Variants in HUS1B observed in about 807,000 individuals in gnomAD.
HUS1B encodes the protein HUS1 checkpoint clamp component B.
For synonymous variants in HUS1B, 207 were observed against 176.2 expected, an observed-to-expected ratio of 1.17 and a Z score of -1.38; for missense variants, 475 against 390.4, an observed-to-expected ratio of 1.22 and a Z score of -1.83.
Position 656,088 on chromosome 6 carries a change from A to C in HUS1B, c.*20T>G. ...GAAAAGATCAAAACCTTAAAAAAAA[A>C]ATCTAAGCTGGCTGAATTTTTACAA... On this transcript the variant is annotated 3_prime_UTR_variant, in exon 1 of 1. Transcript: ENST00000380907. 11 of 1,562,936 alleles carry C rather than the reference A, an allele frequency of 7.0e-6. No individual in the cohort carries two copies. The highest frequency in any genetic ancestry group is 8.8e-6 in the Non-Finnish European group (10 of 1,142,152).
rs757817248 is a variant in HUS1B, at chr6:656,230, A to G, written c.715T>C (p.Phe239Leu). Residue 239 changes from phenylalanine (F) to leucine (L), a missense_variant, in exon 1 of 1, where the codon TTT becomes CTT. Transcript: ENST00000380907. Reference sequence around the variant, plus strand: ...GGATGTATTTGCTGTCCCTCCAAAAACTGCAGAAGCTTCCGATTGTCCACC... The same window carrying G: ...GGATGTATTTGCTGTCCCTCCAAAAGCTGCAGAAGCTTCCGATTGTCCACC... ...VRVDNRKLLQ[F>L]LEGQQIHPTT... 1 of 1,614,152 alleles carries G rather than the reference A, an allele frequency of 6.2e-7. No individual in the cohort carries two copies. The highest frequency in any genetic ancestry group is 2.2e-5 in the East Asian group (1 of 44,886).
the HUS1B span, chr6:656,189 GCACAGGGC>G: frequency 6.2e-7 from 1 of 1,614,152 alleles, no homozygotes. Context: ...CCCAAATATT[GCACAGGGC>G]CGTCGTAGGA....
chr6:656,684 C>T lies in HUS1B; in HGVS notation c.261G>A (p.Leu87=), dbSNP rs1763121970. The T allele has an allele frequency of 6.2e-7, 1 of 1,606,828 alleles. No homozygotes were observed. Among genetic ancestry groups the T allele is most frequent in the Non-Finnish European group, 8.5e-7 (1 of 1,176,734 alleles). ...CCGCTGCGCTTCTCGCCGCCCGGGA[C>T]AGGTGCTCCGCCGTCAGCTCCAGGT... ...EIHLELTAEH[L]SRAARSAAGA... The change falls in exon 1 of 1, where the codon CTG becomes CTA. Residue 87 remains leucine (L), a synonymous_variant. Transcript: ENST00000380907.
In HUS1B at chr6:656,910, C is replaced by A; in HGVS notation, c.35G>T (p.Cys12Phe). Residue 12 changes from cysteine to phenylalanine, a missense_variant, in exon 1 of 1, where the codon TGT (cysteine) becomes TTT (phenylalanine). Coordinates refer to ENST00000380907, the MANE Select transcript of HUS1B (RefSeq NM_148959.4). Reference sequence around the variant, plus strand: ...GCTGACGTGAATGAACAGCTCTAGACAGCCTTTGCCGGTGATCTTGGCGCG... The same window carrying A: ...GCTGACGTGAATGAACAGCTCTAGAAAGCCTTTGCCGGTGATCTTGGCGCG... ...KFRAKITGKG[C>F]LELFIHVSGT... The A allele has an allele frequency of 6.5e-7, 1 of 1,549,260 alleles. No homozygotes were observed. The highest frequency in any genetic ancestry group is 8.7e-7 in the Non-Finnish European group (1 of 1,144,470).
rs993648162 is a variant in HUS1B, at chr6:657,049, C to T, written c.-105G>A. ...GGCGCTGCCCTCCCCGCCCTCCCTC[C>T]GGCCCCCCAGCTAGGCAGGCACTCG... On this transcript the variant is annotated 5_prime_UTR_variant, in exon 1 of 1. Transcript: ENST00000380907. The T allele has an allele frequency of 4.1e-6, 4 of 975,584 alleles. No individual in the cohort carries two copies. Among genetic ancestry groups the T allele is most frequent in the African/African-American group, 1.7e-5 (1 of 58,026 alleles). The allele number at this position is 975,584 out of a possible 1,614,324, so 60.4% of individuals were successfully genotyped here.
rs1763066047 is a variant in HUS1B, at chr6:656,132, A to G, written c.813T>C (p.Leu271=). ...QLVLVQEDVS[L]QYFIPAL Reference sequence around the variant, plus strand: ...TTTACAAGGCAGGAATGAAATACTGAAGAGAGACATCTTCTTGAACCAAAA... The same window carrying G: ...TTTACAAGGCAGGAATGAAATACTGGAGAGAGACATCTTCTTGAACCAAAA... Residue 271 remains leucine, a synonymous_variant, in exon 1 of 1, where the codon CTT becomes CTC. Coordinates refer to ENST00000380907, the MANE Select transcript of HUS1B (RefSeq NM_148959.4). The G allele has an allele frequency of 1.9e-6, 3 of 1,612,038 alleles. No individual in the cohort carries two copies. Among genetic ancestry groups the G allele is most frequent in the Non-Finnish European group, 2.5e-6 (3 of 1,178,042 alleles).
At position 657,072 on chromosome 6, in the gene HUS1B, T is replaced by A; in HGVS notation, c.-128A>T. Reference sequence around the variant, plus strand: ...TCCGGCCCCCCAGCTAGGCAGGCACTCGGGTTCCCGGTTGCGGTTGCGGGT... The same window carrying A: ...TCCGGCCCCCCAGCTAGGCAGGCACACGGGTTCCCGGTTGCGGTTGCGGGT... On this transcript the variant is annotated 5_prime_UTR_variant, in exon 1 of 1. Coordinates refer to ENST00000380907, the MANE Select transcript of HUS1B (RefSeq NM_148959.4). 2 of 779,856 alleles carry A rather than the reference T, an allele frequency of 2.6e-6. No individual in the cohort carries two copies. Among genetic ancestry groups the A allele is most frequent in the Non-Finnish European group, 3.8e-6 (2 of 519,602 alleles). 48.3% of individuals were successfully genotyped at this position (779,856 alleles called of 1,614,324 possible).
In HUS1B at chr6:656,674, C is replaced by T; in HGVS notation, c.271G>A (p.Ala91Thr). ...GAGGACGCGCCCGCTGCGCTTCTCG[C>T]CGCCCGGGACAGGTGCTCCGCCGTC... ...ELTAEHLSRA[A>T]RSAAGASSLK... The change falls in exon 1 of 1, where the codon GCG becomes ACG. Residue 91 changes from alanine to threonine, a missense_variant. By Grantham distance (58) the Ala-to-Thr change is moderately conservative. Transcript: ENST00000380907. 1.2e-6 allele frequency: 2 copies of T among 1,606,684 alleles called. No individual in the cohort carries two copies. The highest frequency in any genetic ancestry group is 1.7e-6 in the Non-Finnish European group (2 of 1,176,742).
In HUS1B at chr6:657,099, C is replaced by G. The variant is rs531321432; in HGVS notation, c.-155G>C. On this transcript the variant is annotated 5_prime_UTR_variant, in exon 1 of 1. Coordinates refer to ENST00000380907, the MANE Select transcript of HUS1B (RefSeq NM_148959.4). ...GGGTTCCCGGTTGCGGTTGCGGGTT[C>G]TGTTGTGGGTTCCGCAGCCCTAGGC... 1.7e-6 allele frequency: 1 copy of G among 583,222 alleles called. No homozygotes were observed. The highest frequency in any genetic ancestry group is 2.0e-5 in the African/African-American group (1 of 51,170). The allele number at this position is 583,222 out of a possible 1,614,324, so 36.1% of individuals were successfully genotyped here. A position where few individuals can be genotyped will look rare whatever the true frequency, so the allele number is the denominator to read the frequency against.
At chr6:656,387 AC>A in the HUS1B span, 1 of 1,614,176 alleles carries the variant, frequency 6.2e-7, no homozygotes, top group Non-Finnish European at 8.5e-7. Flanking sequence ...TCATCCTGCC[AC>A]TGAGGTTTGC....
Position 656,225 on chromosome 6 carries a change from C to T in HUS1B, c.720G>A (p.Leu240=). Residue 240 remains leucine (L), a synonymous_variant, in exon 1 of 1, where the codon TTG becomes TTA. Transcript: ENST00000380907. ...RVDNRKLLQF[L]EGQQIHPTTA... ...TCGTAGGATGTATTTGCTGTCCCTC[C>T]AAAAACTGCAGAAGCTTCCGATTGT... 1 of 1,614,218 alleles carries T rather than the reference C, an allele frequency of 6.2e-7. No individual in the cohort carries two copies. Among genetic ancestry groups the T allele is most frequent in the East Asian group, 2.2e-5 (1 of 44,888 alleles).
Position 655,971 on chromosome 6 carries a change from A to G in HUS1B, c.*137T>C, listed in dbSNP as rs1763055876. The G allele has an allele frequency of 1.5e-6, 1 of 646,616 alleles. No homozygotes were observed. The highest frequency in any genetic ancestry group is 2.7e-6 in the Non-Finnish European group (1 of 371,912). 40.1% of individuals were successfully genotyped at this position (646,616 alleles called of 1,614,324 possible). A position where few individuals can be genotyped will look rare whatever the true frequency, so the allele number is the denominator to read the frequency against. On this transcript the variant is annotated 3_prime_UTR_variant, in exon 1 of 1. Coordinates refer to ENST00000380907, the MANE Select transcript of HUS1B (RefSeq NM_148959.4). ...CCAATGCTTTAATATAAATTTTGCA[A>G]AGGAGGAAGGGCTCAACAAAATATA...
In HUS1B at chr6:656,732, G is replaced by C. The variant is rs964675080; in HGVS notation, c.213C>G (p.Val71=). ...GGTGGATCTCATCGAGATCTTCCGA[G>C]ACACCTTCCATGCGAAACTGCTGGA... is the stretch of plus-strand genomic sequence containing the variant. The part of the protein sequence containing the change: ...GAFQQFRMEG[V]SEDLDEIHLE... The change falls in exon 1 of 1, where the codon GTC becomes GTG. Residue 71 remains valine (V), a synonymous_variant. Coordinates refer to ENST00000380907, the MANE Select transcript of HUS1B (RefSeq NM_148959.4). 77 of 1,593,618 alleles carry C rather than the reference G, an allele frequency of 4.8e-5. No homozygotes were observed. The East Asian group carries it at 1.7e-3, about 35-fold the overall frequency.
rs1763124503 is a variant in HUS1B, at chr6:656,713, T to G, written c.232A>C (p.Ile78Leu). 8.7e-6 allele frequency: 14 copies of G among 1,601,850 alleles called. No homozygotes were observed. The highest frequency in any genetic ancestry group is 1.2e-5 in the Non-Finnish European group (14 of 1,173,606). ...MEGVSEDLDEIHLELTAEHLS... is the reference protein window; with the variant it reads ...MEGVSEDLDELHLELTAEHLS... ...TGCTCCGCCGTCAGCTCCAGGTGGA[T>G]CTCATCGAGATCTTCCGAGACACCT... Residue 78 changes from isoleucine (I) to leucine (L), a missense_variant, in exon 1 of 1, where the codon ATC becomes CTC. Physicochemically the swap from Ile to Leu is conservative, Grantham distance 5 (BLOSUM62 2). Transcript: ENST00000380907.
rs377160217 is a variant in HUS1B at position 656,523 on chromosome 6, A to T, written c.422T>A (p.Val141Glu). The change falls in exon 1 of 1, where the codon GTG becomes GAG. Residue 141 changes from valine (V) to glutamate (E), a missense_variant. Coordinates refer to ENST00000380907, the MANE Select transcript of HUS1B (RefSeq NM_148959.4). ...GCTGGGCGGCAGGCAGTCCCGCCAC[A>T]CTCTCCTGGGAAGCACCCGCACGGG... Reference protein sequence around the residue: ...DLPVRVLPRRVWRDCLPPSLR... With the variant: ...DLPVRVLPRREWRDCLPPSLR... 7.9e-5 allele frequency: 126 copies of T among 1,604,668 alleles called. No homozygotes were observed. Among genetic ancestry groups the T allele is most frequent in the Non-Finnish European group, 9.1e-5 (107 of 1,177,576 alleles).
At position 655,967 on chromosome 6, in the gene HUS1B, T is replaced by C; in HGVS notation, c.*141A>G. The C allele has an allele frequency of 1.6e-6, 1 of 627,812 alleles. No homozygotes were observed. The highest frequency in any genetic ancestry group is 2.8e-6 in the Non-Finnish European group (1 of 358,568). 38.9% of individuals were successfully genotyped at this position (627,812 alleles called of 1,614,324 possible). A position where few individuals can be genotyped will look rare whatever the true frequency, so the allele number is the denominator to read the frequency against. Reference sequence around the variant, plus strand: ...TTTACCAATGCTTTAATATAAATTTTGCAAAGGAGGAAGGGCTCAACAAAA... The same window carrying C: ...TTTACCAATGCTTTAATATAAATTTCGCAAAGGAGGAAGGGCTCAACAAAA... On this transcript the variant is annotated 3_prime_UTR_variant, in exon 1 of 1. Coordinates refer to ENST00000380907, the MANE Select transcript of HUS1B (RefSeq NM_148959.4).
chr6:656,579 C>G lies in HUS1B; in HGVS notation c.366G>C (p.Leu122=), dbSNP rs1292819798. The change falls in exon 1 of 1, where the codon CTG becomes CTC. Residue 122 remains leucine (L), a synonymous_variant. Coordinates refer to ENST00000380907, the MANE Select transcript of HUS1B (RefSeq NM_148959.4). ...LTVAVELVSS[L]GRARSVVHDL... Reference sequence around the variant, plus strand: ...CGTGCACCACGCTGCGAGCGCGGCCCAGGGACGAGACCAGCTCCACCGCCA... The same window carrying G: ...CGTGCACCACGCTGCGAGCGCGGCCGAGGGACGAGACCAGCTCCACCGCCA... 6.3e-6 allele frequency: 10 copies of G among 1,592,414 alleles called. No individual in the cohort carries two copies. Among genetic ancestry groups the G allele is most frequent in the African/African-American group, 2.7e-5 (2 of 74,536 alleles).
chr6:656,933 G>A lies in HUS1B; in HGVS notation c.12C>T (p.Arg4=), dbSNP rs141227587. Reference sequence around the variant, plus strand: ...GACAGCCTTTGCCGGTGATCTTGGCGCGAAACTTCATGATGCCACAGGGAA... The same window carrying A: ...GACAGCCTTTGCCGGTGATCTTGGCACGAAACTTCATGATGCCACAGGGAA... The part of the protein sequence containing the change: MKF[R]AKITGKGCLE... The change falls in exon 1 of 1, where the codon CGC becomes CGT. Residue 4 remains arginine (R), a synonymous_variant. Transcript: ENST00000380907. The A allele has an allele frequency of 3.2e-5, 49 of 1,524,038 alleles. No homozygotes were observed. In the African/African-American group the frequency reaches 5.8e-4, roughly 18 times the overall value. 94.4% of individuals were successfully genotyped at this position (1,524,038 alleles called of 1,614,324 possible). A position where few individuals can be genotyped will look rare whatever the true frequency, so the allele number is the denominator to read the frequency against.
rs771862523 is a variant in HUS1B, at chr6:656,821, C to T, written c.124G>A (p.Gly42Ser). The change falls in exon 1 of 1, where the codon GGC (glycine) becomes AGC (serine). Residue 42 changes from glycine (G) to serine (S), a missense_variant. Gly to Ser is a moderately conservative substitution (Grantham distance 56). Coordinates refer to ENST00000380907, the MANE Select transcript of HUS1B (RefSeq NM_148959.4). ...TGGAGGCCGCCGGAACCCGCGGGGC[C>T]GAAGCACAGGCTGTCAGGGCGCACG... ...LRVRPDSLCF[G>S]PAGSGGLHEA... 2 of 1,609,608 alleles carry T rather than the reference C, an allele frequency of 1.2e-6. No individual in the cohort carries two copies. The highest frequency in any genetic ancestry group is 1.7e-6 in the Non-Finnish European group (2 of 1,177,532).
Sources: gnomAD v4.1 joint callset for allele counts on GRCh38, gnomAD v4.1.1 for gene constraint, MANE v1.5 for transcripts, NCBI Gene and HGNC (gene_info 2026-07-23, HGNC 2026-07-21) for gene names.